TTC28: variants seen among roughly 807,000 people sequenced by gnomAD.
TTC28 encodes tetratricopeptide repeat protein 28.
A neutral mutation model predicts 198.0 loss-of-function variants in TTC28; 61 were observed. The ratio of observed to expected loss-of-function variants is 0.31; its 90% CI spans 0.25 to 0.38. The LOEUF is 0.38. Among genes scored for constraint, TTC28 ranks in the 10% least tolerant of loss-of-function variants. TTC28 has a pLI of 1.00. For synonymous variants in TTC28, 1,171 were observed against 1,297.8 expected (o/e 0.90, Z 2.10); for missense variants, 2,678 against 3,164.0 (o/e 0.85, Z 3.69).
chr22:28,488,685 G>A (rs957758006), intron 2 of TTC28, among the ~76,000 whole-genome samples: 1 of 151,950 alleles, frequency 6.6e-6, no homozygotes, highest in Non-Finnish European at 1.5e-5. Flanking sequence ...TATATTTATG[G>A]GCTTGTAGGT....
At chr22:28,625,433 G>C (rs2051063995) in intron 2 of TTC28, among the ~76,000 whole-genome samples, 1 of 152,136 alleles carries the variant, frequency 6.6e-6, no homozygotes, top group Admixed American at 6.5e-5. Flanking sequence ...AGAAGATAAA[G>C]TTATTCCATT....
At chr22:28,397,339 C>T (rs757949954) in intron 2 of TTC28, among the ~76,000 whole-genome samples, 3 of 152,210 alleles carry the variant, frequency 2.0e-5, no homozygotes, top group Non-Finnish European at 4.4e-5. Flanking sequence ...TTACTGTCCT[C>T]ACTTAACAGG....
chr22:27,992,397 G>A (rs1289055385), intron 19 of TTC28, 190 bp downstream of exon 19: 1 of 623,660 alleles, frequency 1.6e-6, no homozygotes, highest in African/African-American at 1.8e-5. Flanking sequence ...CATCGCAGAT[G>A]GAAACAGCAG....
intron 1 of TTC28, among the ~76,000 whole-genome samples, chr22:28,634,583 CT>C (rs145807756): frequency 0.12 from 16,385 of 141,194 alleles, 1,153 homozygotes; most frequent in African/African-American, 0.18. Context: ...AAGTCCTTTT[CT>C]TTTTTTTCTT....
intron 9 of TTC28, 47 bp from the exon 10 acceptor site, chr22:28,099,091 T>G: frequency 1.3e-6 from 2 of 1,549,326 alleles, no homozygotes; most frequent in Non-Finnish European, 1.7e-6. Flanking sequence ...GAAACCAATG[T>G]CCAGCTGTTT....
At chr22:28,417,539 AAGAT>A (rs1295095146) in intron 2 of TTC28, among the ~76,000 whole-genome samples, 2 of 152,230 alleles carry the variant, frequency 1.3e-5, no homozygotes, top group Admixed American at 6.5e-5. Flanking sequence ...ACATTCTAAA[AAGAT>A]AGACGACATA....
intron 16 of TTC28, 166 bp downstream of exon 16, chr22:27,998,374 C>G: frequency 1.7e-6 from 2 of 1,192,520 alleles, no homozygotes; most frequent in Non-Finnish European, 2.3e-6. Flanking sequence ...AGGAAAAACT[C>G]ATTTGGCAGA....
chr22:28,024,303 A>T (rs1938733597), intron 13 of TTC28, among the ~76,000 whole-genome samples: 1 of 152,188 alleles, frequency 6.6e-6, no homozygotes, highest in African/African-American at 2.4e-5. Context: ...TGTGTTTGAG[A>T]CAGTGCCTCA....
At chr22:28,478,621 G>T (rs2048199026) in intron 2 of TTC28, among the ~76,000 whole-genome samples, 1 of 140,948 alleles carries the variant, frequency 7.1e-6, no homozygotes, top group African/African-American at 2.5e-5. Context: ...ATGTGGGTGG[G>T]ATGGGGTGGG....
At chr22:28,476,694 T>C (rs2048172853) in intron 2 of TTC28, among the ~76,000 whole-genome samples, 1 of 152,216 alleles carries the variant, frequency 6.6e-6, no homozygotes, top group Admixed American at 6.5e-5. Context: ...AATGAGGTAG[T>C]ACAATTTTGA....
chr22:28,170,632 T>C (rs1320626892), intron 5 of TTC28, among the ~76,000 whole-genome samples: 4 of 152,240 alleles, frequency 2.6e-5, no homozygotes, highest in African/African-American at 9.6e-5. Flanking sequence ...GGTAAATGGA[T>C]ATCTTAATGG....
At chr22:28,629,460 A>T (rs2051134920) in intron 2 of TTC28, 92 bp downstream of exon 2, 2 of 1,243,102 alleles carry the variant, frequency 1.6e-6, no homozygotes, top group Admixed American at 5.7e-5. Flanking sequence ...AAATATTAGT[A>T]AGTACACTAA....
At chr22:28,379,639 A>G (rs1432824484) in intron 2 of TTC28, among the ~76,000 whole-genome samples, 1 of 152,116 alleles carries the variant, frequency 6.6e-6, no homozygotes, top group Non-Finnish European at 1.5e-5. Context: ...GGAAATGGAG[A>G]GTTGTTTAAT....
intron 12 of TTC28, among the ~76,000 whole-genome samples, chr22:28,085,999 C>A (rs1198380187): frequency 6.6e-6 from 1 of 152,046 alleles, no homozygotes; most frequent in East Asian, 1.9e-4. Context: ...ACAGGAGCAC[C>A]CAGATTCATA....
chr22:28,491,311 AG>A (rs1490919852), intron 2 of TTC28, among the ~76,000 whole-genome samples: 1 of 152,226 alleles, frequency 6.6e-6, no homozygotes, highest in Non-Finnish European at 1.5e-5. Context: ...CCACCATCAG[AG>A]TGAACAGGCA....
chr22:28,678,271 G>GT (rs1347913091), intron 1 of TTC28, among the ~76,000 whole-genome samples: 4 of 152,220 alleles, frequency 2.6e-5, no homozygotes, highest in African/African-American at 9.7e-5. Flanking sequence ...CTGGAATGCA[G>GT]TGGCACAACC....
intron 1 of TTC28, among the ~76,000 whole-genome samples, chr22:28,648,010 G>A (rs1183763699): frequency 1.3e-5 from 2 of 151,488 alleles, no homozygotes; most frequent in Non-Finnish European, 2.9e-5. Context: ...GGATCATGAG[G>A]TCAGGAGACC....
intron 2 of TTC28, among the ~76,000 whole-genome samples, chr22:28,489,921 G>C (rs1310765502): frequency 6.6e-6 from 1 of 152,120 alleles, no homozygotes; most frequent in African/African-American, 2.4e-5. Flanking sequence ...CCCACAATAG[G>C]CTGTCTGCAA....
chr22:28,065,522 C>G (rs577299357), intron 12 of TTC28, among the ~76,000 whole-genome samples: 3 of 152,100 alleles, frequency 2.0e-5, no homozygotes, highest in African/African-American at 7.2e-5. Context: ...TAAGAAAACA[C>G]CCTATAAGGC....
Sources: gnomAD v4.1 joint callset for allele counts (sites outside exome capture counted in the v4.1 genomes callset) on GRCh38, gnomAD v4.1.1 for gene constraint, MANE v1.5 for transcripts, NCBI Gene and HGNC (gene_info 2026-07-23, HGNC 2026-07-21) for gene names.